The following ZNF625 variants were observed in gnomAD, a reference collection of about 807,000 sequenced individuals.
The protein encoded by ZNF625 is zinc finger protein 625.
A neutral mutation model predicts 11.1 loss-of-function variants in ZNF625; 8 were observed. The observed-to-expected ratio is 0.72, with a 90% CI of 0.42 to 1.30. The LOEUF (loss-of-function observed/expected upper bound fraction) is 1.30, where lower values mean the gene tolerates loss of function less well. Ranked by LOEUF, ZNF625 falls within the 50% of genes most tolerant of loss-of-function variation. The pLI, the probability that ZNF625 is intolerant of heterozygous loss-of-function variation, is 0.01. For synonymous variants in ZNF625, 145 were observed against 153.4 expected, an observed-to-expected ratio of 0.95 and a Z score of 0.41; for missense variants, 349 against 447.6, an observed-to-expected ratio of 0.78 and a Z score of 1.99.
Position 12,147,401 on chromosome 19 carries a change from T to C in ZNF625, c.185A>G (p.Asn62Ser). The C allele has an allele frequency of 6.5e-7, 1 of 1,535,710 alleles. No individual in the cohort carries two copies. The highest frequency in any genetic ancestry group is 8.7e-7 in the Non-Finnish European group (1 of 1,145,184). Residue 62 changes from asparagine to serine, a missense_variant, in exon 3 of 4, where the codon AAC (asparagine) becomes AGC (serine). Physicochemically the swap from Asn to Ser is conservative, Grantham distance 46. Transcript: ENST00000439556. ...TCTTGTGAATGCGAATTACCTTAGG[T>C]TTCTCCTGGGATTTTTGTACTCATC... is the stretch of plus-strand genomic sequence containing the variant. ...IEDEYKNPRR[N>S]LRGLMGERLL...
chr19:12,150,895 C>T (rs758303512), intron 1 of ZNF625, among the ~76,000 whole-genome samples: 2 of 152,062 alleles, frequency 1.3e-5, no homozygotes, highest in Non-Finnish European at 2.9e-5. Flanking sequence ...ACACCATTAC[C>T]CAGACAGTGT....
chr19:12,152,131 G>A (rs969031113), intron 1 of ZNF625, among the ~76,000 whole-genome samples: 17 of 152,072 alleles, frequency 1.1e-4, no homozygotes, highest in South Asian at 2.1e-4. Flanking sequence ...GGCTAATACC[G>A]TTTATATGTG....
intron 1 of ZNF625, among the ~76,000 whole-genome samples, chr19:12,151,255 A>G (rs1246709480): frequency 6.9e-6 from 1 of 145,946 alleles, no homozygotes; most frequent in South Asian, 2.2e-4. Context: ...TCTGTCATCC[A>G]GGCTGGAGTG....
intron 1 of ZNF625, among the ~76,000 whole-genome samples, chr19:12,151,204 C>CTTT (rs573002649): frequency 1.5e-5 from 2 of 133,974 alleles, no homozygotes; most frequent in African/African-American, 5.5e-5. Context: ...TCTTGTATTT[C>CTTT]TTTTTTTTTT....
chr19:12,156,047 A>G (rs550452378), intron 1 of ZNF625, among the ~76,000 whole-genome samples: 1 of 152,088 alleles, frequency 6.6e-6, no homozygotes, highest in Non-Finnish European at 1.5e-5. Context: ...AATAGAAACT[A>G]GGGTCTCGGT....
chr19:12,149,468 A>G (rs1262780418), intron 1 of ZNF625, among the ~76,000 whole-genome samples: 1 of 152,154 alleles, frequency 6.6e-6, no homozygotes, highest in East Asian at 1.9e-4. Context: ...TTAGGATACT[A>G]TGCTAACAGC....
At chr19:12,150,870 T>G (rs1165474340) in intron 1 of ZNF625, among the ~76,000 whole-genome samples, 2 of 152,026 alleles carry the variant, frequency 1.3e-5, no homozygotes, top group Non-Finnish European at 2.9e-5. Context: ...CTGGGTGAGA[T>G]GGGGGACTGT....
chr19:12,149,487 T>C (rs1460243140), intron 1 of ZNF625, among the ~76,000 whole-genome samples: 1 of 152,078 alleles, frequency 6.6e-6, no homozygotes, highest in East Asian at 1.9e-4. Flanking sequence ...GCCAAGGTAG[T>C]CACCAAAAGA....
intron 1 of ZNF625, among the ~76,000 whole-genome samples, chr19:12,153,997 C>T (rs886067090): frequency 2.0e-5 from 3 of 151,404 alleles, no homozygotes; most frequent in Non-Finnish European, 2.9e-5. Context: ...TTAGTAGAGA[C>T]GGGGTTTTAC....
rs1462215095 is a variant in ZNF625 at position 12,145,282 on chromosome 19, G to A, written c.*15C>T. The A allele has an allele frequency of 6.4e-7, 1 of 1,570,024 alleles. No individual in the cohort carries two copies. Among genetic ancestry groups the A allele is most frequent in the Non-Finnish European group, 8.6e-7 (1 of 1,158,796 alleles). ...CCATGATTGGATTCGGTGGCTTCTA[G>A]GAATCTTATGTGAATTAAGCAATCT... On this transcript the variant is annotated 3_prime_UTR_variant, in exon 4 of 4. Coordinates refer to ENST00000439556, the MANE Select transcript of ZNF625 (RefSeq NM_145233.4).
At chr19:12,148,835 GCT>G (rs1976914510) in intron 1 of ZNF625, among the ~76,000 whole-genome samples, 1 of 151,414 alleles carries the variant, frequency 6.6e-6, no homozygotes, top group Admixed American at 6.6e-5. Flanking sequence ...TCTTGGCCAG[GCT>G]GGTTTTGAAC....
Position 12,145,069 on chromosome 19 carries a change from C to G in ZNF625, c.*228G>C. On this transcript the variant is annotated 3_prime_UTR_variant, in exon 4 of 4. Transcript: ENST00000439556. ...TCTTAAGGTCTTACTGGAGGTGTGT[C>G]TCTCTTAAGAGTTATTTCCAACTCT... 1 of 537,020 alleles carries G rather than the reference C, an allele frequency of 1.9e-6. No individual in the cohort carries two copies. The highest frequency in any genetic ancestry group is 3.3e-6 in the Non-Finnish European group (1 of 304,316). 33.3% of individuals were successfully genotyped at this position (537,020 alleles called of 1,614,324 possible).
At position 12,156,715 on chromosome 19, in the gene ZNF625, C is replaced by T. The variant is rs570752216; in HGVS notation, c.-157G>A. 1.5e-6 allele frequency: 1 copy of T among 658,934 alleles called. No individual in the cohort carries two copies. The highest frequency in any genetic ancestry group is 3.4e-5 in the East Asian group (1 of 29,108). 40.8% of individuals were successfully genotyped at this position (658,934 alleles called of 1,614,324 possible). A position where few individuals can be genotyped will look rare whatever the true frequency, so the allele number is the denominator to read the frequency against. ...CCGACCTCCCTTTGGTGCAAGACGC[C>T]TGGGAGTCAGGAAAGCGGGAATGCG... On this transcript the variant is annotated 5_prime_UTR_variant, in exon 1 of 4. Transcript: ENST00000439556.
chr19:12,145,660 A>G lies in ZNF625; in HGVS notation c.756T>C (p.Cys252=), dbSNP rs1471642902. 1 of 1,614,058 alleles carries G rather than the reference A, an allele frequency of 6.2e-7. No homozygotes were observed. Among genetic ancestry groups the G allele is most frequent in the East Asian group, 2.2e-5 (1 of 44,894 alleles). ...TGEKPYECSE[C]GKAFHSSTCL... ...ATGTGGAACTATGGAATGCTTTCCC[A>G]CACTCACTGCATTCATAAGGCTTCT... The change falls in exon 4 of 4, where the codon TGT becomes TGC. Residue 252 remains cysteine (C), a synonymous_variant. Coordinates refer to ENST00000439556, the MANE Select transcript of ZNF625 (RefSeq NM_145233.4).
intron 1 of ZNF625, among the ~76,000 whole-genome samples, chr19:12,154,056 C>A (rs1456662517): frequency 2.0e-5 from 3 of 152,102 alleles, no homozygotes; most frequent in African/African-American, 2.4e-5. Flanking sequence ...ATCCACCCGC[C>A]TCAGCCTCCC....
chr19:12,152,045 A>C (rs1174776628), intron 1 of ZNF625, among the ~76,000 whole-genome samples: 1 of 152,152 alleles, frequency 6.6e-6, no homozygotes, highest in Middle Eastern at 3.2e-3. Flanking sequence ...CTGCAGGCTA[A>C]TAAGGAAATG....
Position 12,145,416 on chromosome 19 carries a change from T to G in ZNF625, c.1000A>C (p.Lys334Gln). 1 of 1,614,236 alleles carries G rather than the reference T, an allele frequency of 6.2e-7. No homozygotes were observed. The highest frequency in any genetic ancestry group is 1.6e-4 in the Middle Eastern group (1 of 6,062). ...CATCCAAAGGCTTTACCACATTGTT[T>G]ACATTCATAGGGTTTCTCTCCAGTG... is the stretch of plus-strand genomic sequence containing the variant. ...THTGEKPYEC[K>Q]QCGKAFGCAS... Residue 334 changes from lysine (K) to glutamine (Q), a missense_variant, in exon 4 of 4, where the codon AAA becomes CAA. Coordinates refer to ENST00000439556, the MANE Select transcript of ZNF625 (RefSeq NM_145233.4).
chr19:12,147,133 A>AT (rs1276520543), intron 3 of ZNF625, among the ~76,000 whole-genome samples: 1 of 151,382 alleles, frequency 6.6e-6, no homozygotes, highest in Non-Finnish European at 1.5e-5. Flanking sequence ...CGCCCGGCTA[A>AT]TTTTTTTGGA....
At position 12,151,411 on chromosome 19, in the gene ZNF625, C is replaced by T. The variant is rs1161779432; in HGVS notation, c.4-3609G>A. Among the ~76,000 whole-genome samples the T allele has an allele frequency of 4.9e-5, 7 of 144,316 alleles. No homozygotes were observed. The South Asian group carries it at 1.3e-3, about 27-fold the overall frequency. The allele number at this position is 144,316 out of a possible 152,430, so 94.7% of individuals were successfully genotyped here. ...TTTTTTTTTTTTTGAGACGGAGTCT[C>T]GCTCTGTCGCCCAGGCTGGAGTGCA... On this transcript the variant is annotated intron_variant, in intron 1 of 3. Transcript: ENST00000439556.
Sources: gnomAD v4.1 joint callset for allele counts (sites outside exome capture counted in the v4.1 genomes callset) on GRCh38, gnomAD v4.1.1 for gene constraint, MANE v1.5 for transcripts, NCBI Gene and HGNC (gene_info 2026-07-23, HGNC 2026-07-21) for gene names.